Variants in TTC7B observed in about 807,000 individuals in gnomAD.
The protein encoded by TTC7B is tetratricopeptide repeat domain 7B, also known as tetratricopeptide repeat protein 7B.
In TTC7B, 28 loss-of-function variants were observed where a neutral mutation model predicts 106.8. The observed-to-expected ratio is 0.26, with a 90% CI of 0.19 to 0.36. The LOEUF (loss-of-function observed/expected upper bound fraction) is 0.36, where lower values mean the gene tolerates loss of function less well. TTC7B is among the 10% of genes least tolerant of loss of function. The pLI is 1.00. For synonymous variants in TTC7B, 405 were observed against 430.6 expected, an observed-to-expected ratio of 0.94 and a Z score of 0.74; for missense variants, 862 against 1,076.4, an observed-to-expected ratio of 0.80 and a Z score of 2.79.
At chr14:90,727,053 A>G (rs1889130860) in intron 5 of TTC7B, among the ~76,000 whole-genome samples, 1 of 151,960 alleles carries the variant, frequency 6.6e-6, no homozygotes, top group African/African-American at 2.4e-5. Context: ...GATGTGAAGG[A>G]GAAGAAAAAG....
intron 3 of TTC7B, among the ~76,000 whole-genome samples, chr14:90,751,169 A>T (rs750934742): frequency 7.9e-5 from 12 of 152,258 alleles, no homozygotes; most frequent in Non-Finnish European, 1.3e-4. Context: ...TCTCAATAAG[A>T]TCTACATCTC....
At chr14:90,772,505 A>G (rs1681045156) in intron 3 of TTC7B, 1 of 152,244 alleles carries the variant, frequency 6.6e-6, no homozygotes, top group Non-Finnish European at 1.5e-5. Flanking sequence ...GTATAATCCC[A>G]CTTTTATATA....
intron 9 of TTC7B, among the ~76,000 whole-genome samples, chr14:90,666,810 T>A (rs979206883): frequency 2.6e-5 from 4 of 151,670 alleles, no homozygotes; most frequent in African/African-American, 7.3e-5. Flanking sequence ...GTGAGAGGAG[T>A]AGAGTGGGTT....
chr14:90,709,778 A>G (rs1187290970), intron 5 of TTC7B, among the ~76,000 whole-genome samples: 2 of 152,006 alleles, frequency 1.3e-5, no homozygotes, highest in Admixed American at 6.6e-5. Context: ...GTATTATTTT[A>G]TAATGCTTTT....
At chr14:90,572,377 A>C (rs1466011675) in intron 19 of TTC7B, among the ~76,000 whole-genome samples, 1 of 152,210 alleles carries the variant, frequency 6.6e-6, no homozygotes, top group African/African-American at 2.4e-5. Flanking sequence ...GTCATAATCC[A>C]TAAGACATAT....
At chr14:90,770,612 C>T (rs1295937714) in intron 3 of TTC7B, among the ~76,000 whole-genome samples, 2 of 150,852 alleles carry the variant, frequency 1.3e-5, no homozygotes, top group African/African-American at 4.9e-5. Flanking sequence ...GAGATCACGC[C>T]ATTGCACTCC....
intron 15 of TTC7B, among the ~76,000 whole-genome samples, chr14:90,634,140 G>C (rs1884824317): frequency 6.6e-6 from 1 of 152,138 alleles, no homozygotes; most frequent in Non-Finnish European, 1.5e-5. Context: ...GCCTCCCAAA[G>C]TGCTGGGACT....
chr14:90,806,442 C>T (rs1024067106), intron 1 of TTC7B, among the ~76,000 whole-genome samples: 15 of 152,248 alleles, frequency 9.9e-5, no homozygotes, highest in Admixed American at 9.8e-4. Context: ...ATCACTGCTG[C>T]TGTTATCAGC....
chr14:90,558,778 A>G (rs754155927), intron 19 of TTC7B, among the ~76,000 whole-genome samples: 2 of 152,204 alleles, frequency 1.3e-5, no homozygotes, highest in Non-Finnish European at 2.9e-5. Flanking sequence ...GTTAGCAAGG[A>G]AAACAGAAAC....
At chr14:90,705,170 G>C (rs187378604) in intron 5 of TTC7B, among the ~76,000 whole-genome samples, 2 of 152,178 alleles carry the variant, frequency 1.3e-5, no homozygotes, top group African/African-American at 4.8e-5. Context: ...CCTCCCACTA[G>C]GATGGAGTAT....
At chr14:90,688,166 T>G (rs1887320359) in intron 7 of TTC7B, among the ~76,000 whole-genome samples, 1 of 152,206 alleles carries the variant, frequency 6.6e-6, no homozygotes, top group Admixed American at 6.5e-5. Flanking sequence ...CACACAGAGA[T>G]TCTGAAAAGC....
intron 5 of TTC7B, among the ~76,000 whole-genome samples, chr14:90,702,818 C>T (rs1435950083): frequency 6.6e-6 from 1 of 152,174 alleles, no homozygotes; most frequent in Non-Finnish European, 1.5e-5. Flanking sequence ...AATGATGTGA[C>T]ATCTCCTAAG....
intron 18 of TTC7B, among the ~76,000 whole-genome samples, chr14:90,581,843 C>T (rs1891507197): frequency 1.3e-5 from 2 of 152,164 alleles, no homozygotes; most frequent in African/African-American, 4.8e-5. Flanking sequence ...CCTGCCTAAG[C>T]CTCAGGCCTG....
At position 90,786,098 on chromosome 14, in the gene TTC7B, G is replaced by A. The variant is rs567510535; in HGVS notation, c.276+76C>T. The A allele has an allele frequency of 6.7e-5, 96 of 1,440,892 alleles. No homozygotes were observed. In the East Asian group the frequency reaches 9.6e-4, roughly 14 times the overall value. The allele number at this position is 1,440,892 out of a possible 1,614,324, so 89.3% of individuals were successfully genotyped here. A position where few individuals can be genotyped will look rare whatever the true frequency, so the allele number is the denominator to read the frequency against. ...TGCAGGTGAGCTCCAAACGTCACCC[G>A]GCTCAACCCTGGGCACCCTTCTCAA... On this transcript the variant is annotated intron_variant, in intron 2 of 19. Transcript: ENST00000328459.
Position 90,593,476 on chromosome 14 carries a change from C to A in TTC7B, c.2107+10G>T, listed in dbSNP as rs148739120. On this transcript the variant is annotated intron_variant, in intron 18 of 19. Coordinates refer to ENST00000328459, the MANE Select transcript of TTC7B (RefSeq NM_001010854.2). The stretch of plus-strand genomic sequence containing the variant: ...GCACAGCAGCGGGTTGTGGGTGAGG[C>A]GGAGGGTACCTGCATGGAGCCAGAT... The A allele has an allele frequency of 5.1e-6, 8 of 1,575,576 alleles. No individual in the cohort carries two copies. In the African/African-American group the frequency reaches 6.7e-5, roughly 13 times the overall value.
At chr14:90,554,551 G>A (rs1228075849) in intron 19 of TTC7B, among the ~76,000 whole-genome samples, 1 of 152,172 alleles carries the variant, frequency 6.6e-6, no homozygotes, top group Admixed American at 6.5e-5. Flanking sequence ...GCTGTGCCAG[G>A]TGCGGGGAAC....
intron 5 of TTC7B, among the ~76,000 whole-genome samples, chr14:90,724,697 T>C (rs1889023841): frequency 6.6e-6 from 1 of 152,240 alleles, no homozygotes; most frequent in Non-Finnish European, 1.5e-5. Flanking sequence ...ATGCTTCCTG[T>C]AGAGCCTGTG....
intron 19 of TTC7B, among the ~76,000 whole-genome samples, 179 bp from the exon 20 acceptor site, chr14:90,541,768 G>A (rs939418533): frequency 1.3e-5 from 2 of 152,172 alleles, no homozygotes; most frequent in South Asian, 2.1e-4. Flanking sequence ...CAAAATAGTC[G>A]CCAAGCTGAC....
At chr14:90,599,449 A>G (rs7157629) in intron 17 of TTC7B, among the ~76,000 whole-genome samples, 121 of 152,328 alleles carry the variant, frequency 7.9e-4, no homozygotes, top group African/African-American at 2.9e-3. Flanking sequence ...CAGCCACATT[A>G]CATGACGTGT....
Sources: gnomAD v4.1 joint callset for allele counts (sites outside exome capture counted in the v4.1 genomes callset) on GRCh38, gnomAD v4.1.1 for gene constraint, MANE v1.5 for transcripts, NCBI Gene and HGNC (gene_info 2026-07-23, HGNC 2026-07-21) for gene names.